Variants in CCDC169 observed in about 807,000 individuals in gnomAD.
CCDC169 encodes the protein coiled-coil domain containing 169.
CCDC169 carries 30 observed loss-of-function variants against 36.0 expected under a neutral mutation model. The ratio of observed to expected loss-of-function variants is 0.83; its 90% CI spans 0.62 to 1.13. The LOEUF is 1.13. Among genes scored for constraint, CCDC169 ranks in the 50% most tolerant of loss-of-function variants. CCDC169 has a pLI of 0.00. For missense variants in CCDC169, 245 were observed against 245.9 expected (o/e 1.00, Z 0.03); for synonymous variants, 85 against 81.5 (o/e 1.04, Z -0.23).
chr13:36,265,315 G>A (rs1875134706), intron 4 of CCDC169, among the ~76,000 whole-genome samples: 1 of 152,180 alleles, frequency 6.6e-6, no homozygotes, highest in African/African-American at 2.4e-5. Flanking sequence ...CAACTTTCAA[G>A]ATATATACAC....
At chr13:36,282,602 C>G (rs1285724722) in intron 4 of CCDC169, 4 of 917,162 alleles carry the variant, frequency 4.4e-6, no homozygotes, top group Middle Eastern at 5.6e-4. Context: ...GTCTGTGGTC[C>G]CACTCTTCGT....
Position 36,230,861 on chromosome 13 carries a change from T to A in CCDC169, c.*332A>T. The A allele has an allele frequency of 9.9e-7, 1 of 1,006,260 alleles. No individual in the cohort carries two copies. 62.3% of individuals were successfully genotyped at this position (1,006,260 alleles called of 1,614,324 possible). ...GGTTTTATGAATACACACTTTTTGCTAACAGTCAACTAGAAACCAAATAGA... is the reference window on the plus strand; with the variant it reads ...GGTTTTATGAATACACACTTTTTGCAAACAGTCAACTAGAAACCAAATAGA... On this transcript the variant is annotated 3_prime_UTR_variant, in exon 8 of 8. Coordinates refer to ENST00000239859, the MANE Select transcript of CCDC169 (RefSeq NM_001144981.3).
chr13:36,236,937 G>A (rs1871150470), intron 7 of CCDC169, among the ~76,000 whole-genome samples: 1 of 151,672 alleles, frequency 6.6e-6, no homozygotes, highest in Non-Finnish European at 1.5e-5. Context: ...TCCACATAAT[G>A]TACACACATA....
downstream of CCDC169, chr13:36,226,984 C>A (rs1279074629): frequency 7.0e-6 from 3 of 425,938 alleles, no homozygotes; most frequent in African/African-American, 6.0e-5. Context: ...AAAATAAAAT[C>A]CTTATCTCTC....
At chr13:36,256,748 C>T (rs9315407) in intron 4 of CCDC169, among the ~76,000 whole-genome samples, 59,799 of 152,042 alleles carry the variant, frequency 0.39, 12,836 homozygotes, top group Non-Finnish European at 0.48. Context: ...TGGCCCTGGC[C>T]TCTCTGTGGA....
chr13:36,290,185 C>A (rs1878697614), intron 2 of CCDC169, among the ~76,000 whole-genome samples: 1 of 152,064 alleles, frequency 6.6e-6, no homozygotes, highest in Non-Finnish European at 1.5e-5. Flanking sequence ...TAGATCTGGG[C>A]AAAGATGACA....
Position 36,297,741 on chromosome 13 carries a change from C to G in CCDC169, c.-22G>C. 1 of 1,549,052 alleles carries G rather than the reference C, an allele frequency of 6.5e-7. No individual in the cohort carries two copies. The highest frequency in any genetic ancestry group is 8.7e-7 in the Non-Finnish European group (1 of 1,145,842). On this transcript the variant is annotated 5_prime_UTR_variant, in exon 1 of 8. Coordinates refer to ENST00000239859, the MANE Select transcript of CCDC169 (RefSeq NM_001144981.3). ...TCATAGTGTCAGGCCAGAGACCTCC[C>G]GCGTCTTTCCCCTCAGCACCTTAGA... is the stretch of plus-strand genomic sequence containing the variant.
chr13:36,262,192 T>C (rs1295655819), intron 4 of CCDC169, among the ~76,000 whole-genome samples: 12 of 152,142 alleles, frequency 7.9e-5, no homozygotes, highest in Admixed American at 5.9e-4. Context: ...CTTCAGCACA[T>C]AGTGTTCAGA....
At chr13:36,283,805 C>A (rs1223614800) in intron 2 of CCDC169, 103 bp from the exon 3 acceptor site, 1 of 874,372 alleles carries the variant, frequency 1.1e-6, no homozygotes, top group East Asian at 2.7e-5. Context: ...CTATATTTGA[C>A]TTTATTGGCA....
At chr13:36,293,045 A>G (rs2138653885) in intron 2 of CCDC169, among the ~76,000 whole-genome samples, 1 of 152,272 alleles carries the variant, frequency 6.6e-6, no homozygotes, top group Admixed American at 6.5e-5. Flanking sequence ...TTTCTTTGAA[A>G]GAAGAGGGTA....
intron 4 of CCDC169, among the ~76,000 whole-genome samples, chr13:36,266,028 T>C (rs1359384809): frequency 2.0e-5 from 3 of 152,214 alleles, no homozygotes; most frequent in Non-Finnish European, 4.4e-5. Flanking sequence ...CTGTGGATAC[T>C]GTCATAATAT....
intron 7 of CCDC169, among the ~76,000 whole-genome samples, chr13:36,237,804 C>A (rs1238617136): frequency 6.6e-6 from 1 of 152,160 alleles, no homozygotes; most frequent in Non-Finnish European, 1.5e-5. Flanking sequence ...TGTATTTGTA[C>A]TGTACCTTTT....
chr13:36,227,407 A>G (rs992646916), downstream of CCDC169: 9 of 1,508,980 alleles, frequency 6.0e-6, no homozygotes, highest in Non-Finnish European at 8.0e-6. Context: ...TGAATAGAAC[A>G]TGAATAAGGA....
chr13:36,236,083 G>A (rs578109051), intron 7 of CCDC169, among the ~76,000 whole-genome samples: 2 of 151,808 alleles, frequency 1.3e-5, no homozygotes, highest in African/African-American at 2.4e-5. Context: ...TACCCAAAGT[G>A]ATCTACAGAT....
chr13:36,259,875 G>A (rs1290948534), intron 4 of CCDC169, among the ~76,000 whole-genome samples: 2 of 152,218 alleles, frequency 1.3e-5, no homozygotes, highest in African/African-American at 4.8e-5. Flanking sequence ...CCACCAGGTG[G>A]TGGCCTCTCT....
At chr13:36,242,218 C>G (rs1196670079) in intron 7 of CCDC169, among the ~76,000 whole-genome samples, 1 of 152,170 alleles carries the variant, frequency 6.6e-6, no homozygotes. Context: ...ATGTATACTC[C>G]TACTAGCAAT....
At chr13:36,290,627 T>C (rs1312379166) in intron 2 of CCDC169, among the ~76,000 whole-genome samples, 2 of 152,188 alleles carry the variant, frequency 1.3e-5, no homozygotes, top group Admixed American at 1.3e-4. Context: ...CTGAACAATA[T>C]GCTTGTGTTT....
chr13:36,273,422 G>A (rs1566081634), intron 4 of CCDC169, among the ~76,000 whole-genome samples: 2 of 152,144 alleles, frequency 1.3e-5, no homozygotes, highest in Non-Finnish European at 2.9e-5. Flanking sequence ...GAGCATGTAA[G>A]AGTGAACACA....
In CCDC169 at chr13:36,297,739, C is replaced by A; in HGVS notation, c.-20G>T. The A allele has an allele frequency of 3.9e-6, 6 of 1,549,780 alleles. No homozygotes were observed. Among genetic ancestry groups the A allele is most frequent in the Non-Finnish European group, 5.2e-6 (6 of 1,146,362 alleles). On this transcript the variant is annotated 5_prime_UTR_variant, in exon 1 of 8. Transcript: ENST00000239859. ...CTTCATAGTGTCAGGCCAGAGACCT[C>A]CCGCGTCTTTCCCCTCAGCACCTTA...
Sources: allele counts gnomAD v4.1 joint callset (sites outside exome capture counted in the v4.1 genomes callset), GRCh38; gene constraint gnomAD v4.1.1; transcripts MANE v1.5; gene names NCBI Gene and HGNC (gene_info 2026-07-23, HGNC 2026-07-21).